PLPP4: variants seen among roughly 807,000 people sequenced by gnomAD.
PLPP4 encodes the protein phospholipid phosphatase 4.
PLPP4 carries 20 observed loss-of-function variants against 32.2 expected under a neutral mutation model. The ratio of observed to expected loss-of-function variants is 0.62; its 90% CI spans 0.44 to 0.90. The LOEUF (loss-of-function observed/expected upper bound fraction) is 0.90, where lower values mean the gene tolerates loss of function less well. Ranked by LOEUF, PLPP4 falls within the 40% of genes least tolerant of loss-of-function variation. The probability of loss-of-function intolerance (pLI) is 0.00; values close to 1 mark genes in which losing one functional copy is unlikely to be tolerated. For synonymous variants in PLPP4, 127 were observed against 133.0 expected (o/e 0.95, Z 0.31); for missense variants, 257 against 353.1 (o/e 0.73, Z 2.18).
intron 5 of PLPP4, among the ~76,000 whole-genome samples, chr10:120,537,988 C>A (rs1035988429): frequency 9.6e-5 from 10 of 103,672 alleles, no homozygotes; most frequent in African/African-American, 3.9e-4. Context: ...AACCACCAGG[C>A]CCTTTCTCTC....
chr10:120,502,147 T>C (rs941924119), intron 1 of PLPP4, among the ~76,000 whole-genome samples: 7 of 152,196 alleles, frequency 4.6e-5, no homozygotes, highest in Non-Finnish European at 8.8e-5. Context: ...AAGGGTTGAC[T>C]GGGTTCTGTG....
At chr10:120,515,802 CATTCTTT>C (rs985269101) in intron 3 of PLPP4, among the ~76,000 whole-genome samples, 49 of 152,188 alleles carry the variant, frequency 3.2e-4, no homozygotes, top group African/African-American at 1.2e-3. Context: ...CCCTTTAGTT[CATTCTTT>C]ATTCTAGTGG....
chr10:120,544,828 T>A (rs1008047496), intron 5 of PLPP4, among the ~76,000 whole-genome samples: 3 of 152,138 alleles, frequency 2.0e-5, no homozygotes, highest in Non-Finnish European at 2.9e-5. Context: ...GGTTTGAGGC[T>A]TTGTGTAGCC....
At chr10:120,477,291 A>G (rs915790033) in intron 1 of PLPP4, among the ~76,000 whole-genome samples, 2 of 151,350 alleles carry the variant, frequency 1.3e-5, no homozygotes, top group Admixed American at 6.6e-5. Flanking sequence ...AGCATTTGGA[A>G]TTACTGCCTG....
At chr10:120,503,445 G>A in intron 1 of PLPP4, 5 of 1,130,898 alleles carry the variant, frequency 4.4e-6, no homozygotes, top group South Asian at 2.8e-5. Context: ...CCTCCCTTAT[G>A]TTCCACCTCA....
intron 5 of PLPP4, among the ~76,000 whole-genome samples, chr10:120,549,972 G>A (rs2133983215): frequency 6.6e-6 from 1 of 152,012 alleles, no homozygotes; most frequent in Middle Eastern, 3.4e-3. Flanking sequence ...CACAATTTTA[G>A]TGGTGGTCCT....
chr10:120,557,315 T>G (rs1848206580), intron 5 of PLPP4, among the ~76,000 whole-genome samples: 1 of 152,042 alleles, frequency 6.6e-6, no homozygotes, highest in African/African-American at 2.4e-5. Flanking sequence ...CTGAATTTAT[T>G]CCCATTACAA....
chr10:120,510,251 A>G (rs950440811), intron 2 of PLPP4, among the ~76,000 whole-genome samples: 2 of 152,180 alleles, frequency 1.3e-5, no homozygotes, highest in African/African-American at 4.8e-5. Context: ...AGAAGGGTTC[A>G]ATATGTTCTC....
Position 120,520,805 on chromosome 10 carries a change from T to A in PLPP4, c.321-166T>A, listed in dbSNP as rs555369348. ...ATTTCTCTGACACCAAAACCTGAGCTTTTTCCCAAACGGCTGTGTCTAGAG... is the reference window on the plus strand; with the variant it reads ...ATTTCTCTGACACCAAAACCTGAGCATTTTCCCAAACGGCTGTGTCTAGAG... On this transcript the variant is annotated intron_variant, in intron 4 of 6. Transcript: ENST00000398250. Among the ~76,000 whole-genome samples, 8 of 151,864 alleles carry A rather than the reference T, an allele frequency of 5.3e-5. No individual in the cohort carries two copies. The East Asian group carries it at 1.6e-3, about 30-fold the overall frequency.
intron 1 of PLPP4, 103 bp downstream of exon 1, chr10:120,457,464 GC>G: frequency 3.7e-6 from 4 of 1,068,252 alleles, no homozygotes; most frequent in Non-Finnish European, 5.3e-6. Flanking sequence ...TCCCACTGGG[GC>G]CTGGGTTCGA....
rs35552215 is a variant in PLPP4, at chr10:120,536,671, C to CAA, written c.445+15588_445+15589dup. The stretch of plus-strand genomic sequence containing the variant: ...TAGCATATGATACCTAAAGCACAGG[C>CAA]AAAAAAAAAAAAAGGCAAAAATAAA... On this transcript the variant is annotated intron_variant, in intron 5 of 6. Coordinates refer to ENST00000398250, the MANE Select transcript of PLPP4 (RefSeq NM_001030059.3). 2.3e-3 allele frequency among the ~76,000 whole-genome samples: 293 copies of CAA among 124,722 alleles called. 8 individuals carry two copies. Among genetic ancestry groups the CAA allele is most frequent in the African/African-American group, 7.0e-3 (233 of 33,452 alleles). The allele number at this position is 124,722 out of a possible 152,430, so 81.8% of individuals were successfully genotyped here.
At chr10:120,464,522 T>C (rs1404144385) in intron 1 of PLPP4, among the ~76,000 whole-genome samples, 2 of 152,190 alleles carry the variant, frequency 1.3e-5, no homozygotes, top group Non-Finnish European at 2.9e-5. Flanking sequence ...GTGAGGGATG[T>C]ACCTTGCCAT....
At chr10:120,544,437 G>A (rs1216397926) in intron 5 of PLPP4, among the ~76,000 whole-genome samples, 1 of 152,166 alleles carries the variant, frequency 6.6e-6, no homozygotes, top group African/African-American at 2.4e-5. Flanking sequence ...GCCCATTCCT[G>A]CTGCTAAGCT....
chr10:120,495,815 G>A (rs1245833995), intron 1 of PLPP4, among the ~76,000 whole-genome samples: 1 of 152,178 alleles, frequency 6.6e-6, no homozygotes, highest in Non-Finnish European at 1.5e-5. Context: ...CTCAGACCCA[G>A]CATATTCACA....
intron 5 of PLPP4, among the ~76,000 whole-genome samples, chr10:120,570,093 G>A (rs572770230): frequency 6.6e-6 from 1 of 152,212 alleles, no homozygotes; most frequent in African/African-American, 2.4e-5. Context: ...ATGAAATGAG[G>A]CAACCTAATG....
chr10:120,513,853 C>A, intron 2 of PLPP4, 58 bp from the exon 3 acceptor site: 1 of 1,291,364 alleles, frequency 7.7e-7, no homozygotes, highest in Non-Finnish European at 1.1e-6. Flanking sequence ...AATTATCAAT[C>A]AGCCCTTCTG....
At chr10:120,575,411 A>G (rs1242388764) in intron 6 of PLPP4, 110 bp downstream of exon 6, 1 of 1,170,324 alleles carries the variant, frequency 8.5e-7, no homozygotes, top group Middle Eastern at 2.2e-4. Flanking sequence ...ATTGTCCAAA[A>G]CCAGAGGAGG....
At chr10:120,581,547 T>A (rs376197938) in intron 6 of PLPP4, among the ~76,000 whole-genome samples, 1 of 152,206 alleles carries the variant, frequency 6.6e-6, no homozygotes, top group Non-Finnish European at 1.5e-5. Flanking sequence ...CCTCCGTACT[T>A]CTTTGATGCT....
rs115800676 is a variant in PLPP4, at chr10:120,480,466, C to A, written c.56+23105C>A. 3.5e-3 allele frequency among the ~76,000 whole-genome samples: 529 copies of A among 152,158 alleles called. 7 individuals are homozygous for A. The highest frequency in any genetic ancestry group is 0.012 in the African/African-American group (501 of 41,496). Reference sequence around the variant, plus strand: ...ATCAAATTTGCGAATGACAGAAGACCGAGATGGAAAGCTAATATATTGAAT... The same window carrying A: ...ATCAAATTTGCGAATGACAGAAGACAGAGATGGAAAGCTAATATATTGAAT... On this transcript the variant is annotated intron_variant, in intron 1 of 6. Transcript: ENST00000398250.
Sources: gnomAD v4.1 joint callset for allele counts (sites outside exome capture counted in the v4.1 genomes callset) on GRCh38, gnomAD v4.1.1 for gene constraint, MANE v1.5 for transcripts, NCBI Gene and HGNC (gene_info 2026-07-23, HGNC 2026-07-21) for gene names.